Variants in RHOBTB1 observed in about 807,000 individuals in gnomAD.
The protein encoded by RHOBTB1 is rho-related BTB domain-containing protein 1.
Under a neutral mutation model 71.6 loss-of-function variants are expected in RHOBTB1, and 40 were observed. The ratio of observed to expected loss-of-function variants is 0.56; its 90% CI spans 0.43 to 0.73. RHOBTB1 has a LOEUF of 0.73. Ranked by LOEUF, RHOBTB1 falls within the 30% of genes least tolerant of loss-of-function variation. RHOBTB1 has a pLI of 0.00. For synonymous variants in RHOBTB1, 319 were observed against 334.9 expected (o/e 0.95, Z 0.52); for missense variants, 797 against 894.0 (o/e 0.89, Z 1.38).
At chr10:60,964,714 T>C (rs1406038686) in intron 2 of RHOBTB1, among the ~76,000 whole-genome samples, 2 of 152,122 alleles carry the variant, frequency 1.3e-5, no homozygotes, top group African/African-American at 2.4e-5. Flanking sequence ...CCAGCTCTTT[T>C]AGTCTTTCTT....
chr10:60,959,183 A>G (rs1204975173), intron 2 of RHOBTB1, among the ~76,000 whole-genome samples: 1 of 152,190 alleles, frequency 6.6e-6, no homozygotes, highest in Non-Finnish European at 1.5e-5. Flanking sequence ...AAAATACAAA[A>G]CAAACTCTTA....
In RHOBTB1 at chr10:60,886,109, T is replaced by C. The variant is rs766793678; in HGVS notation, c.1575+3A>G. On this transcript the variant is annotated splice_donor_region_variant and intron_variant, in intron 7 of 10. Coordinates refer to ENST00000337910, the MANE Select transcript of RHOBTB1 (RefSeq NM_014836.5). ...ACCACTATGCTTTTAGGAAGGCACG[T>C]ACCTCACTGTTGGCACTTTCCACAA... The C allele has an allele frequency of 2.6e-5, 41 of 1,605,050 alleles. No homozygotes were observed. Among genetic ancestry groups the C allele is most frequent in the Non-Finnish European group, 3.5e-5 (41 of 1,171,712 alleles).
chr10:60,888,641 C>A lies in RHOBTB1; in HGVS notation c.1027G>T (p.Ala343Ser), dbSNP rs2081733852. Residue 343 changes from alanine (A) to serine (S), a missense_variant, in exon 6 of 11, where the codon GCC becomes TCC. By Grantham distance (99) the Ala-to-Ser change is moderately conservative. This residue lies in a region of RHOBTB1 where 658 missense variants were observed against 681.5 expected (regional missense o/e 0.97). Transcript: ENST00000337910. Reference protein sequence around the residue: ...REEGPPRIPQADQWKSSNKSL... With the variant: ...REEGPPRIPQSDQWKSSNKSL... ...TTGTTTGAAGACTTCCACTGGTCGG[C>A]CTGAGGAATCCTAGGCGGGCCCTCC... 6.8e-6 allele frequency: 11 copies of A among 1,614,198 alleles called. No individual in the cohort carries two copies. The highest frequency in any genetic ancestry group is 1.6e-4 in the Middle Eastern group (1 of 6,062).
intron 2 of RHOBTB1, among the ~76,000 whole-genome samples, chr10:60,962,893 A>G (rs2085832412): frequency 6.6e-6 from 1 of 152,178 alleles, no homozygotes; most frequent in African/African-American, 2.4e-5. Context: ...AATGCCACTT[A>G]AAATATCTAC....
intron 4 of RHOBTB1, among the ~76,000 whole-genome samples, chr10:60,900,858 G>A (rs574956360): frequency 1.8e-4 from 28 of 152,116 alleles, no homozygotes; most frequent in South Asian, 1.2e-3. Context: ...GAGGTTAACC[G>A]GTTAATCTCT....
At position 60,900,359 on chromosome 10, in the gene RHOBTB1, A is replaced by G. The variant is rs144767483; in HGVS notation, c.297-7364T>C. 2.9e-3 allele frequency among the ~76,000 whole-genome samples: 441 copies of G among 152,316 alleles called. 2 individuals carry two copies. Among genetic ancestry groups the G allele is most frequent in the African/African-American group, 0.01 (419 of 41,570 alleles). On this transcript the variant is annotated intron_variant, in intron 4 of 10. Transcript: ENST00000337910. ...GGAAGTGGCTGCATTCTGTATACAC[A>G]CACTGAAGGTATAGCCTGAGGATCA...
intron 1 of RHOBTB1, among the ~76,000 whole-genome samples, chr10:60,987,234 TTTC>T (rs1405663318): frequency 6.6e-6 from 1 of 152,172 alleles, no homozygotes; most frequent in African/African-American, 2.4e-5. Flanking sequence ...TCCCCTGAAT[TTTC>T]TTCTTCTGGC....
intron 2 of RHOBTB1, among the ~76,000 whole-genome samples, chr10:60,932,221 A>G (rs1480226712): frequency 2.0e-5 from 3 of 152,174 alleles, no homozygotes; most frequent in African/African-American, 7.2e-5. Flanking sequence ...TTTCAGTGAC[A>G]AGGGAGACAC....
At chr10:60,895,320 C>T (rs1319345848) in intron 4 of RHOBTB1, among the ~76,000 whole-genome samples, 1 of 152,072 alleles carries the variant, frequency 6.6e-6, no homozygotes, top group Non-Finnish European at 1.5e-5. Context: ...AAAAGGTCTT[C>T]TTTTTTTTCA....
chr10:60,982,407 G>A (rs1002520024), intron 2 of RHOBTB1, among the ~76,000 whole-genome samples: 2 of 152,098 alleles, frequency 1.3e-5, no homozygotes, highest in East Asian at 1.9e-4. Context: ...AGATTTTTGA[G>A]GGTGTATTGT....
At chr10:60,942,505 T>C (rs1164956968) in intron 1 of RHOBTB1, among the ~76,000 whole-genome samples, 2 of 152,198 alleles carry the variant, frequency 1.3e-5, no homozygotes, top group Admixed American at 6.5e-5. Context: ...GATCAACTGG[T>C]TAAACCTTTT....
At chr10:60,920,469 G>C (rs1355890590) in intron 2 of RHOBTB1, among the ~76,000 whole-genome samples, 1 of 152,154 alleles carries the variant, frequency 6.6e-6, no homozygotes, top group Admixed American at 6.5e-5. Context: ...GAGCCCGAGG[G>C]ATAGGAAGTG....
intron 4 of RHOBTB1, among the ~76,000 whole-genome samples, chr10:60,907,967 T>C (rs966796481): frequency 1.4e-4 from 21 of 152,328 alleles, no homozygotes; most frequent in African/African-American, 4.8e-4. Flanking sequence ...CCTGAAAGGA[T>C]TAACTAATGT....
At position 60,892,963 on chromosome 10, in the gene RHOBTB1, G is replaced by A. The variant is rs1467909493; in HGVS notation, c.329C>T (p.Ala110Val). Reference protein sequence around the residue: ...SDVVVLCFSIANPNSLNHVKS... With the variant: ...SDVVVLCFSIVNPNSLNHVKS... ...CACATGATTTAGGGAATTGGGATTAGCAATCGAAAAACAGAGGACCACAAC... is the reference window on the plus strand; with the variant it reads ...CACATGATTTAGGGAATTGGGATTAACAATCGAAAAACAGAGGACCACAAC... Residue 110 changes from alanine to valine, a missense_variant, in exon 5 of 11, where the codon GCT (alanine) becomes GTT (valine). Ala to Val is a moderately conservative substitution (Grantham distance 64). Around this residue, in one of 2 missense-constraint regions of RHOBTB1, gnomAD observed 139 missense variants for 212.5 expected, o/e 0.65. Transcript: ENST00000337910. 3 of 1,613,706 alleles carry A rather than the reference G, an allele frequency of 1.9e-6. No individual in the cohort carries two copies. The highest frequency in any genetic ancestry group is 2.5e-6 in the Non-Finnish European group (3 of 1,179,850).
chr10:60,960,449 G>T (rs1040235665), intron 2 of RHOBTB1, among the ~76,000 whole-genome samples: 5 of 152,116 alleles, frequency 3.3e-5, no homozygotes, highest in African/African-American at 1.2e-4. Flanking sequence ...TGGCCCCTTA[G>T]AGAACTAGAA....
At chr10:60,873,153 G>T (rs963724040) in intron 9 of RHOBTB1, among the ~76,000 whole-genome samples, 5 of 152,178 alleles carry the variant, frequency 3.3e-5, no homozygotes, top group African/African-American at 1.2e-4. Context: ...AAACATCAGA[G>T]ACAGTTTTAG....
chr10:60,910,830 G>C, intron 4 of RHOBTB1, 57 bp downstream of exon 4: 1 of 1,296,170 alleles, frequency 7.7e-7, no homozygotes, highest in East Asian at 2.3e-5. Context: ...ACCCGCTGCT[G>C]GTTTTGAAAA....
In RHOBTB1 at chr10:60,877,988, G is replaced by A; in HGVS notation, c.1646C>T (p.Ser549Phe). 1.9e-6 allele frequency: 3 copies of A among 1,613,716 alleles called. No homozygotes were observed. Among genetic ancestry groups the A allele is most frequent in the Non-Finnish European group, 2.5e-6 (3 of 1,179,638 alleles). Residue 549 changes from serine (S) to phenylalanine (F), a missense_variant, in exon 8 of 11, where the codon TCT (serine) becomes TTT (phenylalanine). Ser to Phe is a radical substitution (Grantham distance 155). This residue lies in a region of RHOBTB1 where 658 missense variants were observed against 681.5 expected (regional missense o/e 0.97). Coordinates refer to ENST00000337910, the MANE Select transcript of RHOBTB1 (RefSeq NM_014836.5). ...VLDYLYTKQL[S>F]PNLDLDPLEL... is the part of the protein sequence containing the mutation. ...CAGCGGGTCCAGATCCAAGTTAGGA[G>A]ACAACTGCTTGGTATAGAGATAATC...
rs1564807779 is a variant in RHOBTB1 at position 60,888,285 on chromosome 10, C to T, written c.1383G>A (p.Gln461=). Reference sequence around the variant, plus strand: ...TTACGTGAAAGGCTTTCGTAATCTCCTGGTTCATGAAGGCTTCCTTGTTCA... The same window carrying T: ...TTACGTGAAAGGCTTTCGTAATCTCTTGGTTCATGAAGGCTTCCTTGTTCA... ...NIMNKEAFMN[Q]EITKAFHVRK... The change falls in exon 6 of 11, where the codon CAG becomes CAA. Residue 461 remains glutamine (Q), a synonymous_variant. Coordinates refer to ENST00000337910, the MANE Select transcript of RHOBTB1 (RefSeq NM_014836.5). The T allele has an allele frequency of 3.1e-6, 5 of 1,614,138 alleles. No individual in the cohort carries two copies. Among genetic ancestry groups the T allele is most frequent in the East Asian group, 4.5e-5 (2 of 44,876 alleles).
Sources: gnomAD v4.1 joint callset for allele counts (sites outside exome capture counted in the v4.1 genomes callset) on GRCh38, gnomAD v4.1.1 for gene constraint, gnomAD v4.1.1 regional missense constraint, MANE v1.5 for transcripts, NCBI Gene and HGNC (gene_info 2026-07-23, HGNC 2026-07-21) for gene names.